Variants in PXYLP1 observed in about 807,000 individuals in gnomAD.
PXYLP1 encodes the protein acid phosphatase-like 2.
A neutral mutation model predicts 37.9 loss-of-function variants in PXYLP1; 17 were observed. The observed-to-expected ratio is 0.45, with a 90% CI of 0.31 to 0.67. PXYLP1 has a LOEUF of 0.67. PXYLP1 is among the 30% of genes least tolerant of loss of function. The pLI, the probability that PXYLP1 is intolerant of heterozygous loss-of-function variation, is 0.07. For synonymous variants in PXYLP1, 221 were observed against 232.2 expected (o/e 0.95, Z 0.44); for missense variants, 511 against 612.0 (o/e 0.84, Z 1.74).
Position 141,292,834 on chromosome 3 carries a change from G to C in PXYLP1, c.1072G>C (p.Gly358Arg). The C allele has an allele frequency of 6.2e-7, 1 of 1,613,804 alleles. No homozygotes were observed. The highest frequency in any genetic ancestry group is 1.1e-5 in the South Asian group (1 of 91,030). ...GAHPILNQTI[G>R]RMQRATEGRK... The stretch of plus-strand genomic sequence containing the variant: ...CCACCCCATCCTGAACCAAACCATC[G>C]GCCGGATGCAGCGTGCCACCGAGGG... Residue 358 changes from glycine to arginine, a missense_variant, in exon 6 of 6, where the codon GGC becomes CGC. Physicochemically the swap from Gly to Arg is moderately radical, Grantham distance 125. Transcript: ENST00000286353. The surrounding 1 kb of genome is among the most constrained non-coding windows in gnomAD (Gnocchi z 4.3).
At chr3:141,246,970 C>T (rs764917766) in intron 1 of PXYLP1, among the ~76,000 whole-genome samples, 6 of 152,228 alleles carry the variant, frequency 3.9e-5, no homozygotes, top group Non-Finnish European at 7.3e-5. Context: ...CACCAGAGTC[C>T]TCCCAAAAAG....
At chr3:141,257,538 C>T (rs999116275) in intron 1 of PXYLP1, among the ~76,000 whole-genome samples, 3 of 152,168 alleles carry the variant, frequency 2.0e-5, no homozygotes, top group African/African-American at 7.2e-5. Context: ...AAAACTGAGA[C>T]TTATAGCAAG....
At chr3:141,290,902 C>T (rs552301885) in intron 5 of PXYLP1, among the ~76,000 whole-genome samples, 1 of 152,210 alleles carries the variant, frequency 6.6e-6, no homozygotes, top group African/African-American at 2.4e-5. Context: ...GTGGCCTAAC[C>T]AAATAAAATA....
At chr3:141,275,259 T>C (rs1941763925) in intron 2 of PXYLP1, among the ~76,000 whole-genome samples, 1 of 152,212 alleles carries the variant, frequency 6.6e-6, no homozygotes, top group Admixed American at 6.5e-5. Flanking sequence ...CACTGCTTCC[T>C]TGGGTCATGG....
At chr3:141,250,555 GAC>G (rs1300399083) in intron 1 of PXYLP1, among the ~76,000 whole-genome samples, 4 of 152,222 alleles carry the variant, frequency 2.6e-5, no homozygotes, top group African/African-American at 9.6e-5. Flanking sequence ...GTGGGCACAT[GAC>G]ACACTTCAGC....
intron 2 of PXYLP1, among the ~76,000 whole-genome samples, chr3:141,270,035 G>C (rs766165949): frequency 6.6e-5 from 10 of 152,248 alleles, no homozygotes; most frequent in Non-Finnish European, 1.0e-4. Flanking sequence ...GGAGGAGATA[G>C]AGCGTGCAAA....
At chr3:141,232,680 CAG>C (rs200759223) in intron 1 of PXYLP1, among the ~76,000 whole-genome samples, 3 of 151,184 alleles carry the variant, frequency 2.0e-5, no homozygotes, top group East Asian at 1.9e-4. Context: ...CACACACACA[CAG>C]AGAGAGAGAG....
chr3:141,274,948 G>A (rs1212964029), intron 2 of PXYLP1, among the ~76,000 whole-genome samples: 8 of 152,168 alleles, frequency 5.3e-5, no homozygotes, highest in Non-Finnish European at 1.2e-4. Flanking sequence ...TGTGGGGTGG[G>A]ATGGCTCAGA....
intron 1 of PXYLP1, among the ~76,000 whole-genome samples, chr3:141,246,808 T>C (rs903680772): frequency 3.3e-5 from 5 of 152,250 alleles, no homozygotes; most frequent in Admixed American, 3.3e-4. Context: ...GCCGTCATTT[T>C]ACACTTATCC....
At chr3:141,268,849 G>A (rs1401244103) in intron 2 of PXYLP1, among the ~76,000 whole-genome samples, 2 of 152,220 alleles carry the variant, frequency 1.3e-5, no homozygotes, top group Non-Finnish European at 2.9e-5. Context: ...AGAATGGGGA[G>A]GTGGCTGGGA....
At chr3:141,274,668 A>T in intron 2 of PXYLP1, 1 of 714,604 alleles carries the variant, frequency 1.4e-6, no homozygotes, top group Non-Finnish European at 2.5e-6. Context: ...GGGGGATATA[A>T]ATGTGAAAGA....
chr3:141,267,101 C>T (rs148015515), intron 2 of PXYLP1, among the ~76,000 whole-genome samples: 1 of 152,256 alleles, frequency 6.6e-6, no homozygotes, highest in Admixed American at 6.5e-5. Flanking sequence ...CCGAGGCACA[C>T]GTCTTGATGA....
At chr3:141,256,162 G>A (rs1941257907) in intron 1 of PXYLP1, among the ~76,000 whole-genome samples, 1 of 152,214 alleles carries the variant, frequency 6.6e-6, no homozygotes, top group South Asian at 2.1e-4. Flanking sequence ...AGGTGTCTGT[G>A]TGATTCTTCC....
chr3:141,268,478 AC>A (rs879276518), intron 2 of PXYLP1, among the ~76,000 whole-genome samples: 1 of 151,978 alleles, frequency 6.6e-6, no homozygotes, highest in Non-Finnish European at 1.5e-5. Flanking sequence ...CGCAGTGCAG[AC>A]CCCGCTCACT....
chr3:141,257,923 AAAAG>A (rs1197158039), intron 1 of PXYLP1, among the ~76,000 whole-genome samples: 9 of 141,760 alleles, frequency 6.3e-5, no homozygotes, highest in African/African-American at 9.2e-5. Flanking sequence ...AAAAAAAAAA[AAAAG>A]AGAGAGAGAG....
intron 1 of PXYLP1, among the ~76,000 whole-genome samples, chr3:141,252,247 C>A (rs1411949408): frequency 2.0e-5 from 3 of 152,170 alleles, no homozygotes; most frequent in Non-Finnish European, 4.4e-5. Flanking sequence ...TCAGGGCCTG[C>A]TTCAGGATCA....
At chr3:141,239,856 C>A (rs1273305516) in intron 1 of PXYLP1, among the ~76,000 whole-genome samples, 1 of 152,158 alleles carries the variant, frequency 6.6e-6, no homozygotes, top group African/African-American at 2.4e-5. Context: ...GATAGGGAGC[C>A]CCTAGAAAGC....
chr3:141,285,793 T>C (rs974378411), intron 4 of PXYLP1, among the ~76,000 whole-genome samples: 3 of 152,234 alleles, frequency 2.0e-5, no homozygotes, highest in Non-Finnish European at 4.4e-5. Flanking sequence ...GACATTTTAT[T>C]TCCCAGTTTG....
intron 5 of PXYLP1, among the ~76,000 whole-genome samples, chr3:141,288,692 G>A (rs530556335): frequency 1.3e-5 from 2 of 152,286 alleles, no homozygotes; most frequent in South Asian, 2.1e-4. Context: ...CTGAGGGTTC[G>A]AGAGCAGTCT....
Sources: allele counts gnomAD v4.1 joint callset (sites outside exome capture counted in the v4.1 genomes callset), GRCh38; gene constraint gnomAD v4.1.1; non-coding constraint Gnocchi (gnomAD v3.1); transcripts MANE v1.5; gene names NCBI Gene and HGNC (gene_info 2026-07-23, HGNC 2026-07-21).